ERBB4: variants seen among roughly 807,000 people sequenced by gnomAD.
ERBB4 encodes the protein receptor tyrosine-protein kinase erbB-4.
Under a neutral mutation model 158.0 loss-of-function variants are expected in ERBB4, and 42 were observed. That is an observed-to-expected ratio of 0.27 (90% CI 0.21 to 0.34). The LOEUF is 0.34. ERBB4 is among the 10% of genes least tolerant of loss of function. The pLI, the probability that ERBB4 is intolerant of heterozygous loss-of-function variation, is 1.00. For synonymous variants in ERBB4, 583 were observed against 558.7 expected (o/e 1.04, Z -0.61); for missense variants, 1,333 against 1,624.1 (o/e 0.82, Z 3.08).
chr2:212,319,069 A>AG, intron 1 of ERBB4, among the ~76,000 whole-genome samples: 1 of 151,732 alleles, frequency 6.6e-6, no homozygotes, highest in Non-Finnish European at 1.5e-5. Flanking sequence ...CCAATACCTC[A>AG]GGACTGTGAA....
intron 1 of ERBB4, among the ~76,000 whole-genome samples, chr2:212,184,510 T>C (rs1188107149): frequency 6.6e-6 from 1 of 152,140 alleles, no homozygotes; most frequent in South Asian, 2.1e-4. Flanking sequence ...CTAATAGTCC[T>C]AATCACCTAC....
intron 20 of ERBB4, among the ~76,000 whole-genome samples, chr2:211,497,722 A>T (rs538367227): frequency 1.3e-5 from 2 of 152,250 alleles, no homozygotes; most frequent in Admixed American, 1.3e-4. Flanking sequence ...TTTTTAATGA[A>T]AGGATGAGGC....
chr2:211,775,442 C>A (rs1340008695), intron 4 of ERBB4, among the ~76,000 whole-genome samples: 1 of 152,130 alleles, frequency 6.6e-6, no homozygotes, highest in East Asian at 1.9e-4. Flanking sequence ...ATTTCTATTG[C>A]CTACACTTTT....
At chr2:211,977,609 G>A (rs13025703) in intron 2 of ERBB4, among the ~76,000 whole-genome samples, 20,788 of 149,612 alleles carry the variant, frequency 0.14, 1,502 homozygotes, top group Non-Finnish European at 0.15. Context: ...AGCCCAAGGC[G>A]GTGAGTCACC....
chr2:211,377,415 T>C lies in ERBB4; in HGVS notation c.*6200A>G, dbSNP rs2062494903. The C allele has an allele frequency of 4.3e-6, 1 of 233,036 alleles. No individual in the cohort carries two copies. Among genetic ancestry groups the C allele is most frequent in the Admixed American group, 5.6e-5 (1 of 17,750 alleles). 14.4% of individuals were successfully genotyped at this position (233,036 alleles called of 1,614,324 possible). A position where few individuals can be genotyped will look rare whatever the true frequency, so the allele number is the denominator to read the frequency against. Reference sequence around the variant, plus strand: ...TGTATATTTGCACAAATATAACCACTTCTCATGATATAGGGAAAGCTCACT... The same window carrying C: ...TGTATATTTGCACAAATATAACCACCTCTCATGATATAGGGAAAGCTCACT... On this transcript the variant is annotated 3_prime_UTR_variant, in exon 28 of 28. Coordinates refer to ENST00000342788, the MANE Select transcript of ERBB4 (RefSeq NM_005235.3).
intron 20 of ERBB4, among the ~76,000 whole-genome samples, chr2:211,487,606 C>G (rs965027134): frequency 6.6e-6 from 1 of 152,014 alleles, no homozygotes; most frequent in Non-Finnish European, 1.5e-5. Flanking sequence ...GCCCCCTTTT[C>G]CAAAACAATG....
chr2:212,343,996 T>C (rs962772377), intron 1 of ERBB4, among the ~76,000 whole-genome samples: 3 of 152,188 alleles, frequency 2.0e-5, no homozygotes, highest in African/African-American at 4.8e-5. Context: ...AAGCAAACCC[T>C]GCATATTCTG....
chr2:211,422,566 T>C (rs1463270620), intron 23 of ERBB4, among the ~76,000 whole-genome samples: 3 of 151,672 alleles, frequency 2.0e-5, no homozygotes, highest in Non-Finnish European at 4.4e-5. Flanking sequence ...ATCTTAGTAC[T>C]AGCTTGTCTA....
intron 1 of ERBB4, among the ~76,000 whole-genome samples, chr2:212,509,864 A>G (rs920046828): frequency 6.6e-6 from 1 of 151,928 alleles, no homozygotes. Flanking sequence ...CATTTTCATT[A>G]GTGCTTATCT....
intron 1 of ERBB4, among the ~76,000 whole-genome samples, chr2:212,148,957 T>C (rs930136090): frequency 1.0e-4 from 14 of 134,474 alleles, no homozygotes; most frequent in South Asian, 7.9e-4. Flanking sequence ...TAGGTGGGAA[T>C]TGAACAATGA....
chr2:212,236,613 G>C (rs1342196296), intron 1 of ERBB4, among the ~76,000 whole-genome samples: 1 of 152,162 alleles, frequency 6.6e-6, no homozygotes, highest in African/African-American at 2.4e-5. Context: ...TTTTTGGTTG[G>C]TAGGCTATTA....
intron 4 of ERBB4, among the ~76,000 whole-genome samples, chr2:211,784,316 A>G (rs2076106022): frequency 6.6e-6 from 1 of 152,184 alleles, no homozygotes. Flanking sequence ...TGAGTTTGAC[A>G]GTTGAGTTAC....
At chr2:211,763,158 A>T (rs1222634703) in intron 4 of ERBB4, among the ~76,000 whole-genome samples, 2 of 152,100 alleles carry the variant, frequency 1.3e-5, no homozygotes, top group Non-Finnish European at 2.9e-5. Flanking sequence ...ATAGACTATG[A>T]ATATTCCCAT....
chr2:211,407,034 C>T (rs1228779261), intron 25 of ERBB4, among the ~76,000 whole-genome samples: 1 of 152,014 alleles, frequency 6.6e-6, no homozygotes, highest in Non-Finnish European at 1.5e-5. Context: ...GAGCTGAGAT[C>T]ACCCCACTGT....
intron 1 of ERBB4, among the ~76,000 whole-genome samples, chr2:212,430,332 A>T (rs926566033): frequency 6.6e-6 from 1 of 152,234 alleles, no homozygotes; most frequent in Non-Finnish European, 1.5e-5. Flanking sequence ...AACATTTTTA[A>T]AACATAAAAC....
intron 1 of ERBB4, among the ~76,000 whole-genome samples, chr2:212,374,889 T>C (rs140249885): frequency 6.8e-6 from 1 of 146,614 alleles, no homozygotes; most frequent in African/African-American, 2.6e-5. Flanking sequence ...ATTTTTATAT[T>C]ACTGAGAAGA....
At chr2:212,233,374 C>A (rs2083734293) in intron 1 of ERBB4, among the ~76,000 whole-genome samples, 1 of 152,034 alleles carries the variant, frequency 6.6e-6, no homozygotes, top group Non-Finnish European at 1.5e-5. Context: ...TATTTGAAAG[C>A]TTTCCTATAA....
At position 212,325,636 on chromosome 2, in the gene ERBB4, A is replaced by G. The variant is rs111698224; in HGVS notation, c.83-200733T>C. On this transcript the variant is annotated intron_variant, in intron 1 of 27. Coordinates refer to ENST00000342788, the MANE Select transcript of ERBB4 (RefSeq NM_005235.3). ...AGGAAGTTGTAGGCAATAAAGTACC[A>G]GCTGCTTGTTTGGTGCTAAGTTTAC... 5.5e-3 allele frequency among the ~76,000 whole-genome samples: 830 copies of G among 150,764 alleles called. 43 individuals are homozygous for G. Among genetic ancestry groups the G allele is most frequent in the Middle Eastern group, 0.017 (5 of 294 alleles).
In ERBB4 at chr2:212,067,176, T is replaced by A. The variant is rs143108969; in HGVS notation, c.234+57576A>T. On this transcript the variant is annotated intron_variant, in intron 2 of 27. Coordinates refer to ENST00000342788, the MANE Select transcript of ERBB4 (RefSeq NM_005235.3). ...TTTACCTGATCCCTTCAGAAACTAT[T>A]CACAAATATTTTTATTTTCATGACA... is the stretch of plus-strand genomic sequence containing the variant. Among the ~76,000 whole-genome samples, 118 of 152,090 alleles carry A rather than the reference T, an allele frequency of 7.8e-4. 2 individuals carry two copies. Among genetic ancestry groups the A allele is most frequent in the African/African-American group, 2.7e-3 (111 of 41,528 alleles).
Sources: gnomAD v4.1 joint callset for allele counts (sites outside exome capture counted in the v4.1 genomes callset) on GRCh38, gnomAD v4.1.1 for gene constraint, MANE v1.5 for transcripts, NCBI Gene and HGNC (gene_info 2026-07-23, HGNC 2026-07-21) for gene names.